ATF7: variants seen among roughly 807,000 people sequenced by gnomAD.
The protein encoded by ATF7 is cyclic AMP-dependent transcription factor ATF-7.
ATF7 carries 10 observed loss-of-function variants against 50.4 expected under a neutral mutation model. The observed-to-expected ratio is 0.20, with a 90% CI of 0.12 to 0.34. The LOEUF (loss-of-function observed/expected upper bound fraction) is 0.34, where lower values mean the gene tolerates loss of function less well. Ranked by LOEUF, ATF7 falls within the 10% of genes least tolerant of loss-of-function variation. The probability of loss-of-function intolerance (pLI) is 1.00; values close to 1 mark genes in which losing one functional copy is unlikely to be tolerated. For missense variants in ATF7, 465 were observed against 613.9 expected, an observed-to-expected ratio of 0.76 and a Z score of 2.56; for synonymous variants, 201 against 226.4, an observed-to-expected ratio of 0.89 and a Z score of 1.01.
At chr12:53,599,457 G>T (rs1592961342) in intron 2 of ATF7, among the ~76,000 whole-genome samples, 3 of 149,714 alleles carry the variant, frequency 2.0e-5, no homozygotes, top group African/African-American at 7.4e-5. Context: ...TATAAATGGA[G>T]ATATATATAT....
chr12:53,552,752 A>G (rs1940460779), intron 2 of ATF7, 115 bp from the exon 3 acceptor site: 1 of 778,262 alleles, frequency 1.3e-6, no homozygotes, highest in Non-Finnish European at 2.1e-6. Flanking sequence ...GGAAAGAAGA[A>G]CTGGAGAGGG....
chr12:53,599,992 G>C (rs1449840971), intron 2 of ATF7, among the ~76,000 whole-genome samples: 1 of 152,016 alleles, frequency 6.6e-6, no homozygotes. Flanking sequence ...TATTAAAAAA[G>C]CATATGATGA....
intron 2 of ATF7, among the ~76,000 whole-genome samples, chr12:53,564,438 C>T (rs1454198994): frequency 6.6e-6 from 1 of 152,182 alleles, no homozygotes; most frequent in Admixed American, 6.5e-5. Flanking sequence ...ACAAGCCATT[C>T]CCTTTTAAGT....
intron 2 of ATF7, among the ~76,000 whole-genome samples, chr12:53,597,152 C>T (rs529406377): frequency 2.6e-5 from 4 of 152,116 alleles, no homozygotes; most frequent in Non-Finnish European, 4.4e-5. Flanking sequence ...CTGTCTTTTC[C>T]GCTAAGAATG....
chr12:53,590,659 A>T (rs952070567), intron 2 of ATF7, among the ~76,000 whole-genome samples: 1 of 152,150 alleles, frequency 6.6e-6, no homozygotes, highest in African/African-American at 2.4e-5. Flanking sequence ...GGCCACCTAA[A>T]TCTCCCTGGA....
intron 9 of ATF7, among the ~76,000 whole-genome samples, chr12:53,529,492 C>T (rs1349940055): frequency 2.0e-5 from 3 of 151,642 alleles, no homozygotes; most frequent in East Asian, 2.0e-4. Context: ...TGAGCCACCA[C>T]GCCTGGCTAA....
intron 3 of ATF7, among the ~76,000 whole-genome samples, chr12:53,552,084 G>C (rs1940394250): frequency 6.6e-6 from 1 of 152,156 alleles, no homozygotes; most frequent in South Asian, 2.1e-4. Context: ...GGGTTCACAA[G>C]GGAAGTTGAA....
intron 9 of ATF7, among the ~76,000 whole-genome samples, chr12:53,528,100 C>T (rs1299561620): frequency 1.3e-5 from 2 of 152,060 alleles, no homozygotes; most frequent in African/African-American, 2.4e-5. Flanking sequence ...CTCAGCCTCC[C>T]AAAGTGCTGG....
At chr12:53,562,744 C>T (rs1272868022) in intron 2 of ATF7, among the ~76,000 whole-genome samples, 2 of 151,962 alleles carry the variant, frequency 1.3e-5, no homozygotes, top group Non-Finnish European at 1.5e-5. Context: ...CTTTTTCCTA[C>T]GGAACCAGAG....
At chr12:53,559,603 T>C (rs772748388) in intron 2 of ATF7, among the ~76,000 whole-genome samples, 20 of 138,700 alleles carry the variant, frequency 1.4e-4, no homozygotes, top group Non-Finnish European at 3.0e-4. Flanking sequence ...CACTTGAACC[T>C]GGGAGGCAGA....
rs1178171031 is a variant in ATF7 at position 53,552,650 on chromosome 12, A to T, written c.49-13T>A. 6.2e-7 allele frequency: 1 copy of T among 1,603,790 alleles called. No homozygotes were observed. Among genetic ancestry groups the T allele is most frequent in the African/African-American group, 1.3e-5 (1 of 74,748 alleles). Reference sequence around the variant, plus strand: ...CGTTTGTAAATCTCTGAAACGAAACAGAAATGGAGATATGAAAAAACAAAA... The same window carrying T: ...CGTTTGTAAATCTCTGAAACGAAACTGAAATGGAGATATGAAAAAACAAAA... On this transcript the variant is annotated splice_polypyrimidine_tract_variant and intron_variant, in intron 2 of 11. Transcript: ENST00000420353.
chr12:53,625,617 T>A (rs1944573463), intron 1 of ATF7, among the ~76,000 whole-genome samples: 1 of 152,236 alleles, frequency 6.6e-6, no homozygotes, highest in African/African-American at 2.4e-5. Context: ...TGATGTTCTT[T>A]TAATTAATTC....
chr12:53,525,209 C>A (rs1022749262), intron 9 of ATF7, among the ~76,000 whole-genome samples: 1 of 152,104 alleles, frequency 6.6e-6, no homozygotes, highest in African/African-American at 2.4e-5. Flanking sequence ...CAAAATTAGC[C>A]GGGTATGGTG....
chr12:53,616,259 G>C (rs1944111984), intron 1 of ATF7, among the ~76,000 whole-genome samples: 1 of 152,150 alleles, frequency 6.6e-6, no homozygotes. Context: ...GTCTCACTCT[G>C]TTACCCAGGC....
downstream of ATF7, among the ~76,000 whole-genome samples, chr12:53,509,503 C>CTTTT (rs1337552672): frequency 7.4e-6 from 1 of 135,078 alleles, no homozygotes. Context: ...TACACTCCAG[C>CTTTT]TTTTTTTTTT....
chr12:53,610,072 C>G (rs1309801277), intron 1 of ATF7, among the ~76,000 whole-genome samples: 1 of 151,974 alleles, frequency 6.6e-6, no homozygotes, highest in African/African-American at 2.4e-5. Context: ...CCGCCTCGGC[C>G]TCCCAAAGTG....
At chr12:53,594,128 G>A (rs945705002) in intron 2 of ATF7, among the ~76,000 whole-genome samples, 1 of 152,232 alleles carries the variant, frequency 6.6e-6, no homozygotes, top group Non-Finnish European at 1.5e-5. Context: ...GCAAAGGAAG[G>A]ATAAATGAAA....
chr12:53,612,789 C>T (rs1022596707), intron 1 of ATF7, among the ~76,000 whole-genome samples: 4 of 152,122 alleles, frequency 2.6e-5, no homozygotes, highest in African/African-American at 9.7e-5. Context: ...AGATCACCTG[C>T]AGCCAGGAGT....
intron 2 of ATF7, among the ~76,000 whole-genome samples, chr12:53,579,072 G>C (rs1942252306): frequency 6.6e-6 from 1 of 151,426 alleles, no homozygotes; most frequent in Non-Finnish European, 1.5e-5. Context: ...GAGAAACCCT[G>C]TCTCTACTAA....
Sources: allele counts gnomAD v4.1 joint callset (sites outside exome capture counted in the v4.1 genomes callset), GRCh38; gene constraint gnomAD v4.1.1; transcripts MANE v1.5; gene names NCBI Gene and HGNC (gene_info 2026-07-23, HGNC 2026-07-21).